Variants in MPC2 observed in about 807,000 individuals in gnomAD.
MPC2 encodes the protein brain protein 44.
Under a neutral mutation model 19.2 loss-of-function variants are expected in MPC2, and 19 were observed. That is an observed-to-expected ratio of 0.99 (90% CI 0.69 to 1.45). The LOEUF (loss-of-function observed/expected upper bound fraction) is 1.45, where lower values mean the gene tolerates loss of function less well. MPC2 is among the 40% of genes most tolerant of loss of function. MPC2 has a pLI of 0.00. For missense variants in MPC2, 122 were observed against 153.0 expected (o/e 0.80, Z 1.07); for synonymous variants, 61 against 54.3 (o/e 1.12, Z -0.54).
At chr1:167,918,783 T>C (rs1464929295) in intron 5 of MPC2, among the ~76,000 whole-genome samples, 1 of 151,914 alleles carries the variant, frequency 6.6e-6, no homozygotes, top group Non-Finnish European at 1.5e-5. Context: ...TTAGTAGAGA[T>C]GGTGTTTCAC....
chr1:167,934,610 A>G (rs1444299501), intron 2 of MPC2, among the ~76,000 whole-genome samples: 1 of 152,236 alleles, frequency 6.6e-6, no homozygotes, highest in Non-Finnish European at 1.5e-5. Flanking sequence ...CAAACTGGAA[A>G]TCAGATTTAG....
In MPC2 at chr1:167,918,337, T is replaced by C. The variant is rs879066892; in HGVS notation, c.370A>G (p.Lys124Glu). 2.6e-6 allele frequency: 4 copies of C among 1,567,708 alleles called. No individual in the cohort carries two copies. The highest frequency in any genetic ancestry group is 3.5e-6 in the Non-Finnish European group (4 of 1,140,852). Residue 124 changes from lysine (K) to glutamate (E), a missense_variant, in exon 6 of 6, where the codon AAA becomes GAA. Lys to Glu is a moderately conservative substitution (Grantham distance 56, BLOSUM62 1). Transcript: ENST00000271373. ...CAGGAACTCTTTTATTTGTGTGCTT[T>C]AGCTTTTAGTTCTTGGTTATATCTA... The part of the protein sequence containing the change: ...IWRYNQELKA[K>E]AHK
chr1:167,927,068 G>A (rs1047577319), intron 2 of MPC2, among the ~76,000 whole-genome samples: 1 of 152,182 alleles, frequency 6.6e-6, no homozygotes, highest in African/African-American at 2.4e-5. Context: ...TAATAGGTAT[G>A]TGCCAACAGA....
At chr1:167,936,061 C>A (rs1671168793) in intron 1 of MPC2, 163 bp from the exon 2 acceptor site, 4 of 587,658 alleles carry the variant, frequency 6.8e-6, no homozygotes, top group South Asian at 2.0e-5. Context: ...ACTGCCAGCC[C>A]CCGGTCCGCC....
intron 1 of MPC2, chr1:167,936,227 G>C (rs1348049126): frequency 4.1e-6 from 1 of 244,596 alleles, no homozygotes; most frequent in Admixed American, 5.3e-5. Flanking sequence ...GGGTCGAGCG[G>C]AAACCTCCTC....
At chr1:167,931,240 T>C (rs1670900569) in intron 2 of MPC2, among the ~76,000 whole-genome samples, 2 of 152,238 alleles carry the variant, frequency 1.3e-5, no homozygotes, top group Admixed American at 6.5e-5. Context: ...CTGATATTCC[T>C]TTTTATGAAT....
Position 167,919,857 on chromosome 1 carries a change from A to T in MPC2, c.347+122T>A, listed in dbSNP as rs186190544. The T allele has an allele frequency of 1.2e-5, 7 of 580,960 alleles. No individual in the cohort carries two copies. The East Asian group carries it at 1.4e-4, about 12-fold the overall frequency. 36.0% of individuals were successfully genotyped at this position (580,960 alleles called of 1,614,324 possible). ...TCTTAGCATTATATATGAATCTTTT[A>T]AAAAAATTAGTGCCATCTCCAGCCT... On this transcript the variant is annotated intron_variant, in intron 5 of 5. Coordinates refer to ENST00000271373, the MANE Select transcript of MPC2 (RefSeq NM_001143674.4).
chr1:167,924,885 T>G (rs1049782565), intron 2 of MPC2, among the ~76,000 whole-genome samples: 7 of 152,156 alleles, frequency 4.6e-5, no homozygotes, highest in African/African-American at 1.4e-4. Context: ...CAAATGAAAA[T>G]GAACCCAGTG....
At chr1:167,919,907 C>CAA (rs199537893) in intron 5 of MPC2, 72 bp downstream of exon 5, 1,294 of 879,046 alleles carry the variant, frequency 1.5e-3, no homozygotes, top group Non-Finnish European at 1.7e-3. Flanking sequence ...GACCCCGTCT[C>CAA]AAAAAAAAAA....
At chr1:167,920,136 A>C in intron 4 of MPC2, 46 bp from the exon 5 acceptor site, 1 of 1,214,264 alleles carries the variant, frequency 8.2e-7, no homozygotes, top group Non-Finnish European at 1.2e-6. Context: ...TACTGCTTCA[A>C]TAACTTCAGT....
At chr1:167,922,748 C>G (rs1484347648) in intron 3 of MPC2, among the ~76,000 whole-genome samples, 4 of 152,174 alleles carry the variant, frequency 2.6e-5, no homozygotes, top group Non-Finnish European at 5.9e-5. Flanking sequence ...AATTCCAACT[C>G]TAACATTCTC....
chr1:167,923,313 T>C (rs573161801), intron 3 of MPC2, among the ~76,000 whole-genome samples: 6 of 152,140 alleles, frequency 3.9e-5, no homozygotes, highest in South Asian at 2.1e-4. Flanking sequence ...AATCAACATA[T>C]AGAAGAATAA....
intron 3 of MPC2, among the ~76,000 whole-genome samples, chr1:167,921,032 C>CAAATT (rs1468628744): frequency 6.6e-6 from 1 of 151,998 alleles, no homozygotes; most frequent in Non-Finnish European, 1.5e-5. Flanking sequence ...CTGTTAAGGT[C>CAAATT]ATTTGTATAG....
intron 2 of MPC2, among the ~76,000 whole-genome samples, chr1:167,928,212 G>C (rs35304195): frequency 0.022 from 3,308 of 152,048 alleles, 53 homozygotes; most frequent in Non-Finnish European, 0.03. Context: ...GCTGCGCGTG[G>C]TGGCAGGCGG....
chr1:167,924,281 T>C, intron 3 of MPC2: 1 of 358,582 alleles, frequency 2.8e-6, no homozygotes, highest in Non-Finnish European at 5.2e-6. Context: ...AACAAGTATG[T>C]TCCCAGAAGG....
chr1:167,932,011 C>T (rs563960668), intron 2 of MPC2, among the ~76,000 whole-genome samples: 1 of 152,260 alleles, frequency 6.6e-6, no homozygotes, highest in South Asian at 2.1e-4. Flanking sequence ...ATTCTCAGCA[C>T]CAGCACATTA....
At position 167,920,078 on chromosome 1, in the gene MPC2, G is replaced by A; in HGVS notation, c.248C>T (p.Ser83Leu). Residue 83 changes from serine to leucine, a missense_variant, in exon 5 of 6, where the codon TCA becomes TTA. Ser to Leu is a moderately radical substitution (Grantham distance 145, BLOSUM62 -2). Transcript: ENST00000271373. ...AVLMATGFIW[S>L]RYSLVIIPKN... ...TGGAATAATTACAAGTGAGTATCTT[G>A]ACCAAATAAACCCTGTTGAAACAAA... is the stretch of plus-strand genomic sequence containing the variant. 6.2e-7 allele frequency: 1 copy of A among 1,608,776 alleles called. No homozygotes were observed. The highest frequency in any genetic ancestry group is 8.5e-7 in the Non-Finnish European group (1 of 1,177,200).
chr1:167,929,908 T>C (rs1482889009), intron 2 of MPC2, among the ~76,000 whole-genome samples: 1 of 152,164 alleles, frequency 6.6e-6, no homozygotes, highest in Non-Finnish European at 1.5e-5. Context: ...ATGCCACTCC[T>C]TTATGGTTTG....
chr1:167,929,347 G>A (rs1170630615), intron 2 of MPC2, among the ~76,000 whole-genome samples: 3 of 151,206 alleles, frequency 2.0e-5, no homozygotes, highest in East Asian at 1.9e-4. Flanking sequence ...CAATAAGAGC[G>A]AAACTCCGTC....
Sources: gnomAD v4.1 joint callset for allele counts (sites outside exome capture counted in the v4.1 genomes callset) on GRCh38, gnomAD v4.1.1 for gene constraint, MANE v1.5 for transcripts, NCBI Gene and HGNC (gene_info 2026-07-23, HGNC 2026-07-21) for gene names.